TUT1: variants seen among roughly 807,000 people sequenced by gnomAD.
TUT1 encodes the protein terminal uridylyl transferase 1, U6 snRNA-specific.
In TUT1, 26 loss-of-function variants were observed where a neutral mutation model predicts 48.8. That is an observed-to-expected ratio of 0.53 (90% CI 0.39 to 0.74). The LOEUF (loss-of-function observed/expected upper bound fraction) is 0.74. Ranked by LOEUF, TUT1 falls within the 30% of genes least tolerant of loss-of-function variation. The pLI is 0.00. For synonymous variants in TUT1, 470 were observed against 460.8 expected (o/e 1.02, Z -0.26); for missense variants, 1,065 against 1,114.8 (o/e 0.96, Z 0.64).
chr11:62,575,438 G>A lies in TUT1; in HGVS notation c.2281C>T (p.Pro761Ser). The change falls in exon 9 of 9, where the codon CCC becomes TCC. Residue 761 changes from proline (P) to serine (S), a missense_variant. Coordinates refer to ENST00000476907, the MANE Select transcript of TUT1 (RefSeq NM_022830.3). ...GCACAGCGCCAGCTCGCTGAGGAGG[G>A]CAGGGATGCCCCCTTCCCTGCCTCA... ...QGEAGKGASLPSSASWRCALW... is the reference protein window; with the variant it reads ...QGEAGKGASLSSSASWRCALW... 6.2e-7 allele frequency: 1 copy of A among 1,611,226 alleles called. No individual in the cohort carries two copies. Among genetic ancestry groups the A allele is most frequent in the Non-Finnish European group, 8.5e-7 (1 of 1,179,990 alleles).
rs1025002495 is a variant in TUT1, at chr11:62,577,274, G to C, written c.1178C>G (p.Ser393Cys). Reference sequence around the variant, plus strand: ...CTCAGAGCAGAGACTCAGGAAACGGGAGTTATGCAGGGCCAGCCTGGGACA... The same window carrying C: ...CTCAGAGCAGAGACTCAGGAAACGGCAGTTATGCAGGGCCAGCCTGGGACA... ...SLSNRLALHN[S>C]RFLSLCSELD... Residue 393 changes from serine (S) to cysteine (C), a missense_variant, in exon 6 of 9, where the codon TCC (serine) becomes TGC (cysteine). Coordinates refer to ENST00000476907, the MANE Select transcript of TUT1 (RefSeq NM_022830.3). 1.9e-6 allele frequency: 3 copies of C among 1,612,842 alleles called. No individual in the cohort carries two copies. The highest frequency in any genetic ancestry group is 2.5e-6 in the Non-Finnish European group (3 of 1,179,672).
intron 2 of TUT1, 48 bp from the exon 3 acceptor site, chr11:62,581,749 A>ACGGCT: frequency 7.4e-7 from 1 of 1,347,908 alleles, no homozygotes; most frequent in South Asian, 1.8e-5. Context: ...CCAAGAATCT[A>ACGGCT]AGCACGAGAT....
At chr11:62,576,265 G>T in intron 8 of TUT1, 21 bp from the exon 9 acceptor site, 1 of 1,526,444 alleles carries the variant, frequency 6.6e-7, no homozygotes, top group Non-Finnish European at 8.8e-7. Context: ...AGGAAGAGTG[G>T]GGAAAGGGGG....
intron 2 of TUT1, among the ~76,000 whole-genome samples, chr11:62,584,075 C>A (rs1245887842): frequency 6.6e-6 from 1 of 151,434 alleles, no homozygotes; most frequent in African/African-American, 2.4e-5. Flanking sequence ...ATTCTGGAAT[C>A]AGTCATGAGG....
intron 2 of TUT1, among the ~76,000 whole-genome samples, chr11:62,588,730 T>C (rs1191702724): frequency 6.6e-6 from 1 of 152,216 alleles, no homozygotes; most frequent in Non-Finnish European, 1.5e-5. Flanking sequence ...AGTCTTGCTC[T>C]GTAATCCAGG....
chr11:62,575,224 A>G lies in TUT1; in HGVS notation c.2495T>C (p.Phe832Ser), dbSNP rs773778058. ...GTCAGCCGGGGAGACAGACGCCACA[A>G]AGCTCAGCAGGGGCTCAGTTTCTGG... is the stretch of plus-strand genomic sequence containing the variant. ...ERPETEPLLS[F>S]VASVSPADRM... The change falls in exon 9 of 9, where the codon TTT (phenylalanine) becomes TCT (serine). Residue 832 changes from phenylalanine (F) to serine (S), a missense_variant. Physicochemically the swap from Phe to Ser is radical, Grantham distance 155. Transcript: ENST00000476907. 1.2e-6 allele frequency: 2 copies of G among 1,613,888 alleles called. No individual in the cohort carries two copies. The highest frequency in any genetic ancestry group is 1.7e-6 in the Non-Finnish European group (2 of 1,179,782).
chr11:62,576,294 C>A, intron 8 of TUT1, 50 bp from the exon 9 acceptor site: 1 of 1,475,676 alleles, frequency 6.8e-7, no homozygotes, highest in Non-Finnish European at 8.9e-7. Context: ...GAGGCCAGAA[C>A]TGATACAGGT....
chr11:62,583,594 G>A (rs1590720990), intron 2 of TUT1, among the ~76,000 whole-genome samples: 1 of 151,956 alleles, frequency 6.6e-6, no homozygotes, highest in Non-Finnish European at 1.5e-5. Flanking sequence ...CAACAAGAGC[G>A]AATCTCCGTC....
intron 4 of TUT1, among the ~76,000 whole-genome samples, chr11:62,579,263 A>G (rs1941787863): frequency 6.6e-6 from 1 of 152,226 alleles, no homozygotes. Context: ...AAACAGAGGA[A>G]CTATTACAGA....
rs780198260 is a variant in TUT1 at position 62,576,662 on chromosome 11, G to A, written c.1469C>T (p.Pro490Leu). The A allele has an allele frequency of 4.3e-5, 70 of 1,613,966 alleles. No homozygotes were observed. The highest frequency in any genetic ancestry group is 5.5e-5 in the Non-Finnish European group (65 of 1,179,972). Residue 490 changes from proline (P) to leucine (L), a missense_variant, in exon 8 of 9, where the codon CCC (proline) becomes CTC (leucine). Transcript: ENST00000476907. ...ACCAGGCTCCCCAAACTCACTGAGGGGCTCCACATTTATGCTGGGCTCCAG... is the reference window on the plus strand; with the variant it reads ...ACCAGGCTCCCCAAACTCACTGAGGAGCTCCACATTTATGCTGGGCTCCAG... ...SRLEPSINVE[P>L]LSSLLAQFFS...
Position 62,585,338 on chromosome 11 carries a change from C to G in TUT1, c.274-3637G>C, listed in dbSNP as rs143745160. 9.2e-5 allele frequency among the ~76,000 whole-genome samples: 14 copies of G among 152,268 alleles called. No homozygotes were observed. In the East Asian group the frequency reaches 2.7e-3, roughly 29 times the overall value. On this transcript the variant is annotated intron_variant, in intron 2 of 8. Coordinates refer to ENST00000476907, the MANE Select transcript of TUT1 (RefSeq NM_022830.3). ...CAAAGAACTGAAGTGAGGCCAAGGA[C>G]AAAGGTAGCTACTTGGACCTGCCCA...
At chr11:62,576,862 A>T in intron 7 of TUT1, 45 bp downstream of exon 7, 1 of 1,602,272 alleles carries the variant, frequency 6.2e-7, no homozygotes, top group African/African-American at 1.3e-5. Context: ...TGAAGAAGAG[A>T]GAGGAAACTA....
rs762917386 is a variant in TUT1, at chr11:62,581,428, C to T, written c.547G>A (p.Val183Met). ...SEAERQLRSL[V>M]VALMQEVFTE... ...AAGACCTCCTGCATCAGGGCCACCA[C>T]TAGGCTGCGAAGCTGCCGCTCGGCC... Residue 183 changes from valine to methionine, a missense_variant, in exon 3 of 9, where the codon GTG becomes ATG. Transcript: ENST00000476907. The T allele has an allele frequency of 1.2e-6, 2 of 1,612,274 alleles. No individual in the cohort carries two copies. The highest frequency in any genetic ancestry group is 3.3e-5 in the Admixed American group (2 of 59,870).
At chr11:62,579,287 G>GT (rs1444364312) in intron 4 of TUT1, among the ~76,000 whole-genome samples, 1 of 152,262 alleles carries the variant, frequency 6.6e-6, no homozygotes, top group African/African-American at 2.4e-5. Flanking sequence ...AAGAGAAACT[G>GT]TAACAGTCCA....
chr11:62,587,458 G>A (rs561902009), intron 2 of TUT1, among the ~76,000 whole-genome samples: 1 of 152,234 alleles, frequency 6.6e-6, no homozygotes, highest in African/African-American at 2.4e-5. Flanking sequence ...TGGGATTACA[G>A]GCGTGAGCCA....
Position 62,584,817 on chromosome 11 carries a change from A to G in TUT1, c.274-3116T>C, listed in dbSNP as rs1291113712. On this transcript the variant is annotated intron_variant, in intron 2 of 8. Coordinates refer to ENST00000476907, the MANE Select transcript of TUT1 (RefSeq NM_022830.3). ...CCAACCAATGAATTGTATACTATTT[A>G]TTTTATTTTACTTTTTTTTTTTGAG... 3.3e-5 allele frequency among the ~76,000 whole-genome samples: 5 copies of G among 150,002 alleles called. No homozygotes were observed. The Admixed American group carries it at 3.3e-4, about 10-fold the overall frequency.
intron 4 of TUT1, 62 bp downstream of exon 4, chr11:62,581,044 C>T: frequency 7.5e-7 from 1 of 1,333,072 alleles, no homozygotes; most frequent in African/African-American, 1.4e-5. Context: ...AAGGACTTGC[C>T]CACAGTCACA....
At chr11:62,581,355 G>A (rs1941821704) in intron 3 of TUT1, 31 bp downstream of exon 3, 2 of 1,576,604 alleles carry the variant, frequency 1.3e-6, no homozygotes, top group African/African-American at 1.3e-5. Context: ...AGGCCAGGGA[G>A]GGCTCAGACA....
chr11:62,577,925 G>A (rs1250664525), intron 5 of TUT1, among the ~76,000 whole-genome samples: 4 of 151,970 alleles, frequency 2.6e-5, no homozygotes, highest in Admixed American at 6.6e-5. Context: ...GCTGGGTGTG[G>A]TGGCACATGC....
Sources: allele counts gnomAD v4.1 joint callset (sites outside exome capture counted in the v4.1 genomes callset), GRCh38; gene constraint gnomAD v4.1.1; transcripts MANE v1.5; gene names NCBI Gene and HGNC (gene_info 2026-07-23, HGNC 2026-07-21).